SYNPO2: variants seen among roughly 807,000 people sequenced by gnomAD.
SYNPO2 encodes synaptopodin-2.
SYNPO2 carries 56 observed loss-of-function variants against 85.0 expected under a neutral mutation model. That is an observed-to-expected ratio of 0.66 (90% CI 0.53 to 0.82). The LOEUF (loss-of-function observed/expected upper bound fraction) is 0.82. Among genes scored for constraint, SYNPO2 ranks in the 40% least tolerant of loss-of-function variants. The pLI is 0.00. For synonymous variants in SYNPO2, 602 were observed against 591.1 expected (o/e 1.02, Z -0.27); for missense variants, 1,575 against 1,534.2 (o/e 1.03, Z -0.44).
intron 4 of SYNPO2, among the ~76,000 whole-genome samples, chr4:119,051,183 G>A (rs1269850719): frequency 3.7e-5 from 2 of 54,142 alleles, no homozygotes; most frequent in African/African-American, 1.4e-4. Flanking sequence ...GCCATGGGAA[G>A]CAATTTTTTT....
intron 1 of SYNPO2, among the ~76,000 whole-genome samples, chr4:118,935,411 G>C (rs893714998): frequency 6.6e-6 from 1 of 152,178 alleles, no homozygotes; most frequent in Non-Finnish European, 1.5e-5. Flanking sequence ...TTTTGTTGTC[G>C]TGGACCTGAT....
chr4:118,955,771 A>G (rs188333424), intron 1 of SYNPO2, among the ~76,000 whole-genome samples: 3 of 152,322 alleles, frequency 2.0e-5, no homozygotes, highest in East Asian at 3.9e-4. Context: ...ACTTCATTTC[A>G]TAGACAAAGC....
chr4:119,003,275 T>G (rs1202639028), intron 1 of SYNPO2, among the ~76,000 whole-genome samples: 3 of 152,026 alleles, frequency 2.0e-5, no homozygotes, highest in Non-Finnish European at 4.4e-5. Context: ...AGAAGTGCTG[T>G]GAAGGAGGAA....
chr4:118,882,601 C>T (rs1732125446), intron 1 of SYNPO2, among the ~76,000 whole-genome samples: 1 of 152,060 alleles, frequency 6.6e-6, no homozygotes, highest in African/African-American at 2.4e-5. Flanking sequence ...TATGTGCTCT[C>T]TCTCTCTCAC....
chr4:118,957,928 G>C (rs1417566433), intron 1 of SYNPO2, among the ~76,000 whole-genome samples: 1 of 152,148 alleles, frequency 6.6e-6, no homozygotes, highest in Non-Finnish European at 1.5e-5. Flanking sequence ...GAGCTTGATG[G>C]GAATAGTCAA....
chr4:119,004,021 G>A (rs1560967752), intron 1 of SYNPO2, among the ~76,000 whole-genome samples: 1 of 152,136 alleles, frequency 6.6e-6, no homozygotes, highest in African/African-American at 2.4e-5. Context: ...TGGGAAACAG[G>A]AAATGGCATT....
At chr4:119,012,393 T>TTTTTATTTTTTTTTAAGTTTTA (rs1553946399) in intron 1 of SYNPO2, among the ~76,000 whole-genome samples, 1 of 130,822 alleles carries the variant, frequency 7.6e-6, no homozygotes, top group African/African-American at 2.8e-5. Context: ...TTTTTTTTTT[T>TTTTTATTTTTTTTTAAGTTTTA]ATTTTACTTT....
chr4:119,044,577 C>T (rs1274965310), intron 4 of SYNPO2, among the ~76,000 whole-genome samples: 3 of 152,248 alleles, frequency 2.0e-5, no homozygotes, highest in African/African-American at 7.2e-5. Context: ...GTCGCCCAGG[C>T]TGGAGTGCAG....
chr4:118,989,235 C>T (rs1025138617), intron 1 of SYNPO2, among the ~76,000 whole-genome samples: 7 of 152,136 alleles, frequency 4.6e-5, no homozygotes, highest in African/African-American at 1.7e-4. Context: ...AGCATCAGGC[C>T]CTGGCTCATG....
At chr4:118,856,138 A>T (rs9884928) in intron 1 of SYNPO2, among the ~76,000 whole-genome samples, 78,164 of 152,088 alleles carry the variant, frequency 0.51, 22,427 homozygotes, top group African/African-American at 0.78. Flanking sequence ...GAGTCATTTG[A>T]GGGTAGGAGC....
At chr4:118,894,053 T>C (rs1457378811) in intron 1 of SYNPO2, among the ~76,000 whole-genome samples, 1 of 150,810 alleles carries the variant, frequency 6.6e-6, no homozygotes, top group East Asian at 1.9e-4. Flanking sequence ...ATATATATTA[T>C]ATATATTTTG....
chr4:118,914,584 T>A (rs553718601), intron 1 of SYNPO2, among the ~76,000 whole-genome samples: 6 of 152,290 alleles, frequency 3.9e-5, no homozygotes, highest in East Asian at 3.9e-4. Flanking sequence ...ACATTTGATA[T>A]CTGGGAGGGT....
intron 1 of SYNPO2, among the ~76,000 whole-genome samples, chr4:118,954,173 A>G (rs1734792336): frequency 6.6e-6 from 1 of 152,228 alleles, no homozygotes; most frequent in African/African-American, 2.4e-5. Context: ...CAGTTTTTAA[A>G]AAGATTTAAA....
intron 4 of SYNPO2, among the ~76,000 whole-genome samples, chr4:119,049,997 T>A (rs908592088): frequency 6.6e-6 from 1 of 152,068 alleles, no homozygotes; most frequent in Admixed American, 6.5e-5. Context: ...AAGATCTTAC[T>A]CCATTTAGTT....
At chr4:119,015,536 ACAAG>A (rs991011062) in intron 1 of SYNPO2, among the ~76,000 whole-genome samples, 2 of 152,208 alleles carry the variant, frequency 1.3e-5, no homozygotes, top group South Asian at 2.1e-4. Flanking sequence ...AAAAAGCAAT[ACAAG>A]CAAGGTATCT....
At chr4:118,890,522 A>C (rs1303817099) in intron 1 of SYNPO2, among the ~76,000 whole-genome samples, 1 of 150,758 alleles carries the variant, frequency 6.6e-6, no homozygotes, top group Non-Finnish European at 1.5e-5. Flanking sequence ...ACCTCAGATA[A>C]AATATGAATG....
At chr4:119,044,941 C>G (rs893313975) in intron 4 of SYNPO2, among the ~76,000 whole-genome samples, 1 of 152,116 alleles carries the variant, frequency 6.6e-6, no homozygotes, top group Non-Finnish European at 1.5e-5. Flanking sequence ...TTTGAATTGT[C>G]AGAGATTTTT....
At chr4:118,879,257 A>C (rs548793493) in intron 1 of SYNPO2, among the ~76,000 whole-genome samples, 2 of 152,188 alleles carry the variant, frequency 1.3e-5, no homozygotes, top group South Asian at 2.1e-4. Context: ...CCATGAACCC[A>C]CTGGAATGAA....
intron 1 of SYNPO2, among the ~76,000 whole-genome samples, chr4:118,958,747 T>A (rs1189921982): frequency 1.3e-5 from 2 of 152,184 alleles, no homozygotes; most frequent in Non-Finnish European, 2.9e-5. Flanking sequence ...GGTCGTCATG[T>A]TTCTTCCAGG....
Sources: gnomAD v4.1 joint callset for allele counts (sites outside exome capture counted in the v4.1 genomes callset) on GRCh38, gnomAD v4.1.1 for gene constraint, MANE v1.5 for transcripts, NCBI Gene and HGNC (gene_info 2026-07-23, HGNC 2026-07-21) for gene names.